Variants in TPM1 observed in about 807,000 individuals in gnomAD.
TPM1 encodes the protein tropomyosin 1.
TPM1 carries 24 observed loss-of-function variants against 42.9 expected under a neutral mutation model. The observed-to-expected ratio is 0.56, with a 90% CI of 0.41 to 0.79. The LOEUF (loss-of-function observed/expected upper bound fraction) is 0.79. TPM1 is among the 30% of genes least tolerant of loss of function. The pLI, the probability that TPM1 is intolerant of heterozygous loss-of-function variation, is 0.00. For synonymous variants in TPM1, 136 were observed against 130.1 expected (o/e 1.05, Z -0.31); for missense variants, 158 against 351.8 (o/e 0.45, Z 4.41).
At chr15:63,048,645 G>T (rs869025540) in intron 2 of TPM1, 2 of 1,538,420 alleles carry the variant, frequency 1.3e-6, no homozygotes, top group Non-Finnish European at 1.7e-6. Context: ...GGCGGACGCC[G>T]CTGAGGAGCG....
chr15:63,043,581 C>T (rs2031666367), intron 1 of TPM1: 2 of 1,449,738 alleles, frequency 1.4e-6, no homozygotes, highest in Non-Finnish European at 1.9e-6. Context: ...ACCTCGGGTC[C>T]TTTGCACTCC....
chr15:63,051,566 A>T (rs1318062526), intron 2 of TPM1, among the ~76,000 whole-genome samples: 1 of 151,552 alleles, frequency 6.6e-6, no homozygotes, highest in Non-Finnish European at 1.5e-5. Context: ...TCCTTACCAT[A>T]TAAGGGCAGA....
intron 5 of TPM1, 170 bp from the exon 6 acceptor site, chr15:63,061,543 G>T: frequency 2.6e-6 from 2 of 759,336 alleles, no homozygotes; most frequent in South Asian, 1.5e-5. Context: ...GAGGTTGGGG[G>T]GCAGTGTTCC....
At position 63,058,684 on chromosome 15, in the gene TPM1, G is replaced by C. The variant is rs1596368094; in HGVS notation, c.375-879G>C. 3.3e-5 allele frequency among the ~76,000 whole-genome samples: 5 copies of C among 152,090 alleles called. No homozygotes were observed. The East Asian group carries it at 9.6e-4, about 29-fold the overall frequency. ...AGATCACACCACCGCACTCCAACCT[G>C]GGTGACAGAGCGAGACTCTGTCTCA... is the stretch of plus-strand genomic sequence containing the variant. On this transcript the variant is annotated intron_variant, in intron 3 of 9. Transcript: ENST00000403994.
intron 2 of TPM1, chr15:63,044,773 T>C (rs566013158): frequency 6.0e-6 from 1 of 167,418 alleles, no homozygotes; most frequent in South Asian, 1.5e-4. Context: ...AGGCACTAGA[T>C]CCAGAAAGTA....
chr15:63,056,068 C>G (rs1173235906), intron 2 of TPM1: 1 of 152,234 alleles, frequency 6.6e-6, no homozygotes. Flanking sequence ...TGTCTTGGCT[C>G]TGTTCCAATG....
intron 5 of TPM1, 85 bp downstream of exon 5, chr15:63,061,024 T>G: frequency 6.5e-7 from 1 of 1,547,190 alleles, no homozygotes; most frequent in Non-Finnish European, 8.9e-7. Context: ...AGCTGCACAT[T>G]ACCTGTTTCA....
chr15:63,058,377 G>C (rs1419629892), intron 3 of TPM1, among the ~76,000 whole-genome samples: 1 of 152,122 alleles, frequency 6.6e-6, no homozygotes, highest in Non-Finnish European at 1.5e-5. Context: ...CCAAGACTCC[G>C]ACCCAGATCT....
At chr15:63,068,453 A>G (rs756832502), downstream of TPM1, among the ~76,000 whole-genome samples, 2 of 152,226 alleles carry the variant, frequency 1.3e-5, no homozygotes, top group Non-Finnish European at 2.9e-5. Context: ...CATAACGAGC[A>G]TAGCATCCTC....
downstream of TPM1, among the ~76,000 whole-genome samples, chr15:63,067,283 A>G (rs540816797): frequency 2.0e-5 from 3 of 152,342 alleles, no homozygotes; most frequent in Admixed American, 2.0e-4. Flanking sequence ...CTGTGAATTA[A>G]AGTATTTTAG....
chr15:63,070,856 G>C (rs1210932545), downstream of TPM1: 1 of 1,315,132 alleles, frequency 7.6e-7, no homozygotes, highest in African/African-American at 1.5e-5. Flanking sequence ...TGAATTGTTG[G>C]TGGAGGTGCA....
At chr15:63,069,214 T>C (rs1217111944), downstream of TPM1, among the ~76,000 whole-genome samples, 1 of 152,190 alleles carries the variant, frequency 6.6e-6, no homozygotes, top group Non-Finnish European at 1.5e-5. Flanking sequence ...CAAGTGCTTG[T>C]TCTTTTGCTG....
chr15:63,043,711 G>A lies in TPM1; in HGVS notation c.115-316G>A, dbSNP rs397516491. On this transcript the variant is annotated intron_variant, in intron 1 of 9. Transcript: ENST00000403994. Reference sequence around the variant, plus strand: ...CCGCCCGCCGCTGCCCCCAGCTCGAGGAGGACATCGCGGCCAAGGAGAAGT... The same window carrying A: ...CCGCCCGCCGCTGCCCCCAGCTCGAAGAGGACATCGCGGCCAAGGAGAAGT... 1.5e-4 allele frequency: 227 copies of A among 1,546,864 alleles called. 1 individual carries two copies. Among genetic ancestry groups the A allele is most frequent in the Middle Eastern group, 6.1e-4 (3 of 4,956 alleles).
chr15:63,053,378 G>C (rs1265472157), intron 2 of TPM1, among the ~76,000 whole-genome samples: 1 of 152,086 alleles, frequency 6.6e-6, no homozygotes, highest in African/African-American at 2.4e-5. Context: ...CCAGTTCCAA[G>C]GTTTCCGTGA....
intron 5 of TPM1, chr15:63,061,278 T>C: frequency 6.2e-7 from 1 of 1,614,178 alleles, no homozygotes; most frequent in Non-Finnish European, 8.5e-7. Context: ...GATAAGGTAC[T>C]GATGGCTCGT....
At position 63,065,935 on chromosome 15, in the gene TPM1, C is replaced by T. The variant is rs538518251; in HGVS notation, c.*36C>T. 1.3e-5 allele frequency: 21 copies of T among 1,608,830 alleles called. No homozygotes were observed. Among genetic ancestry groups the T allele is most frequent in the African/African-American group, 1.2e-4 (9 of 74,810 alleles). On this transcript the variant is annotated 3_prime_UTR_variant, in exon 10 of 10. Coordinates refer to ENST00000403994, the MANE Select transcript of TPM1 (RefSeq NM_001018005.2). ...TTCACTTCTCCCAAGACTCCCTCGT[C>T]GAGCTGGATGTCCCACCTCTCTGAG...
At chr15:63,063,090 ATTATC>A (rs1016243021) in intron 8 of TPM1, 2 of 978,380 alleles carry the variant, frequency 2.0e-6, no homozygotes, top group African/African-American at 3.5e-5. Context: ...TAAGTCATAT[ATTATC>A]TTAACAAAAT....
At chr15:63,063,692 TA>T (rs1322008873) in intron 8 of TPM1, 2 of 219,442 alleles carry the variant, frequency 9.1e-6, no homozygotes, top group African/African-American at 4.6e-5. Context: ...CCAGTGTAAT[TA>T]AAATATAGCT....
At chr15:63,063,220 C>T (rs2035886003) in intron 8 of TPM1, 3 of 985,306 alleles carry the variant, frequency 3.0e-6, no homozygotes, top group East Asian at 2.3e-4. Context: ...AAATGTTGAG[C>T]TTTGAAGCTT....
Sources: allele counts gnomAD v4.1 joint callset (sites outside exome capture counted in the v4.1 genomes callset), GRCh38; gene constraint gnomAD v4.1.1; transcripts MANE v1.5; gene names NCBI Gene and HGNC (gene_info 2026-07-23, HGNC 2026-07-21).